NAV3: variants seen among roughly 807,000 people sequenced by gnomAD.
The protein encoded by NAV3 is neuron navigator 3.
A neutral mutation model predicts 244.7 loss-of-function variants in NAV3; 87 were observed. The ratio of observed to expected loss-of-function variants is 0.36; its 90% CI spans 0.30 to 0.42. NAV3 has a LOEUF of 0.42. Ranked by LOEUF, NAV3 falls within the 20% of genes least tolerant of loss-of-function variation. The probability of loss-of-function intolerance (pLI) is 1.00; values close to 1 mark genes in which losing one functional copy is unlikely to be tolerated. For synonymous variants in NAV3, 1,126 were observed against 1,042.2 expected, an observed-to-expected ratio of 1.08 and a Z score of -1.55; for missense variants, 2,663 against 2,893.3, an observed-to-expected ratio of 0.92 and a Z score of 1.83.
intron 2 of NAV3, among the ~76,000 whole-genome samples, chr12:77,703,573 T>C (rs1056405353): frequency 4.6e-5 from 7 of 152,124 alleles, no homozygotes; most frequent in African/African-American, 1.7e-4. Flanking sequence ...TGAGAAGTTA[T>C]ATGTAACCTT....
chr12:78,022,609 T>G (rs936562885), intron 9 of NAV3, among the ~76,000 whole-genome samples: 1 of 152,172 alleles, frequency 6.6e-6, no homozygotes, highest in Non-Finnish European at 1.5e-5. Context: ...GGTCCAAGCC[T>G]GTGTATTCAC....
intron 5 of NAV3, among the ~76,000 whole-genome samples, chr12:77,987,017 T>C (rs1690766389): frequency 6.6e-6 from 1 of 152,164 alleles, no homozygotes; most frequent in South Asian, 2.1e-4. Flanking sequence ...ACTATGAGAA[T>C]AGTTGCTTAA....
intron 2 of NAV3, among the ~76,000 whole-genome samples, chr12:77,749,340 C>T (rs1473751316): frequency 6.6e-6 from 1 of 152,116 alleles, no homozygotes; most frequent in Admixed American, 6.5e-5. Context: ...TAGGGTTCAG[C>T]CCTGTAATGG....
At chr12:78,041,274 TG>T (rs1880810355) in intron 9 of NAV3, among the ~76,000 whole-genome samples, 1 of 152,208 alleles carries the variant, frequency 6.6e-6, no homozygotes, top group Non-Finnish European at 1.5e-5. Flanking sequence ...TTTGAAATAA[TG>T]ATCTTATTAT....
chr12:77,618,015 G>A (rs955941196), intron 2 of NAV3, among the ~76,000 whole-genome samples: 1 of 152,176 alleles, frequency 6.6e-6, no homozygotes, highest in African/African-American at 2.4e-5. Context: ...AATGATTAAT[G>A]CTGAGTGTGC....
intron 12 of NAV3, among the ~76,000 whole-genome samples, chr12:78,067,978 G>A (rs1179800167): frequency 6.6e-6 from 1 of 151,956 alleles, no homozygotes; most frequent in Non-Finnish European, 1.5e-5. Context: ...AGGAGGAAAG[G>A]AGGAGAAAAG....
At chr12:78,207,199 C>T (rs1194587277) in intron 39 of NAV3, among the ~76,000 whole-genome samples, 2 of 152,086 alleles carry the variant, frequency 1.3e-5, no homozygotes, top group African/African-American at 4.8e-5. Context: ...CAAGAAACAT[C>T]CACTATTTAG....
chr12:78,010,961 G>A (rs1434741408), intron 8 of NAV3: 1 of 151,988 alleles, frequency 6.6e-6, no homozygotes, highest in African/African-American at 2.4e-5. Flanking sequence ...TTTCCTATTA[G>A]CCTAACTTCC....
At chr12:77,972,668 A>T (rs1893094895) in intron 5 of NAV3, among the ~76,000 whole-genome samples, 1 of 152,170 alleles carries the variant, frequency 6.6e-6, no homozygotes. Flanking sequence ...TGCTAAAAAA[A>T]ATCGTATATA....
intron 2 of NAV3, among the ~76,000 whole-genome samples, chr12:77,756,331 T>C (rs1869176621): frequency 6.6e-6 from 1 of 152,202 alleles, no homozygotes; most frequent in African/African-American, 2.4e-5. Context: ...AGTTTATGCA[T>C]ATCATGCTGA....
chr12:77,588,750 A>C (rs1386879089), intron 2 of NAV3, among the ~76,000 whole-genome samples: 2 of 152,232 alleles, frequency 1.3e-5, no homozygotes, highest in African/African-American at 4.8e-5. Context: ...AATTCACATG[A>C]AAAGTACAGG....
At chr12:78,018,287 T>C (rs560112373) in intron 8 of NAV3, among the ~76,000 whole-genome samples, 25 of 152,232 alleles carry the variant, frequency 1.6e-4, no homozygotes, top group African/African-American at 5.3e-4. Context: ...CTGTCACAAG[T>C]AGGAATACAT....
intron 3 of NAV3, among the ~76,000 whole-genome samples, chr12:77,952,132 C>T (rs1256002538): frequency 1.3e-5 from 2 of 150,288 alleles, no homozygotes; most frequent in Non-Finnish European, 3.0e-5. Context: ...TTGTAAACTT[C>T]GGATGATGAT....
intron 6 of NAV3, among the ~76,000 whole-genome samples, chr12:77,996,295 G>A (rs891917605): frequency 6.6e-6 from 1 of 152,130 alleles, no homozygotes; most frequent in African/African-American, 2.4e-5. Context: ...CTTCAACAGA[G>A]TGCAATCACT....
rs112497265 is a variant in NAV3 at position 77,748,136 on chromosome 12, A to G, written c.72+175870A>G. Among the ~76,000 whole-genome samples the G allele has an allele frequency of 3.0e-3, 455 of 152,348 alleles. 1 individual carries two copies. The highest frequency in any genetic ancestry group is 0.017 in the Middle Eastern group (5 of 294). On this transcript the variant is annotated intron_variant, in intron 2 of 8. Coordinates refer to the NAV3 transcript ENST00000550042. ...TATAACAATGGTATATATGTGCTTC[A>G]TTTTGATATCATAGAAGAGCATTCT...
intron 2 of NAV3, among the ~76,000 whole-genome samples, chr12:77,824,641 C>T (rs1592715004): frequency 6.6e-6 from 1 of 151,708 alleles, no homozygotes; most frequent in African/African-American, 2.4e-5. Flanking sequence ...ACCTGTAATC[C>T]CAGCACTTTG....
intron 2 of NAV3, among the ~76,000 whole-genome samples, chr12:77,712,298 G>A (rs1876157986): frequency 6.6e-6 from 1 of 152,072 alleles, no homozygotes; most frequent in Non-Finnish European, 1.5e-5. Context: ...ATAGAGGGAG[G>A]ATATCATTCT....
At chr12:78,180,019 G>T (rs924367452) in intron 29 of NAV3, among the ~76,000 whole-genome samples, 6 of 152,012 alleles carry the variant, frequency 3.9e-5, no homozygotes, top group Non-Finnish European at 8.8e-5. Flanking sequence ...TTGGCTTTTT[G>T]CCTGTTCTTT....
intron 2 of NAV3, among the ~76,000 whole-genome samples, chr12:77,800,996 C>T (rs963420776): frequency 6.6e-6 from 1 of 151,994 alleles, no homozygotes; most frequent in Admixed American, 6.6e-5. Context: ...ATATTTTCTC[C>T]TAGAACTGAT....
Sources: gnomAD v4.1 joint callset for allele counts (sites outside exome capture counted in the v4.1 genomes callset) on GRCh38, gnomAD v4.1.1 for gene constraint, MANE v1.5 for transcripts, NCBI Gene and HGNC (gene_info 2026-07-23, HGNC 2026-07-21) for gene names.